The following SV2C variants were observed in gnomAD, a reference collection of about 807,000 sequenced individuals.
SV2C encodes the protein solute carrier family 22 member B3.
Under a neutral mutation model 79.7 loss-of-function variants are expected in SV2C, and 49 were observed. That is an observed-to-expected ratio of 0.61 (90% CI 0.49 to 0.78). The LOEUF is 0.78. SV2C is among the 30% of genes least tolerant of loss of function. SV2C has a pLI of 0.00. For missense variants in SV2C, 833 were observed against 912.9 expected, an observed-to-expected ratio of 0.91 and a Z score of 1.13; for synonymous variants, 334 against 333.2, an observed-to-expected ratio of 1.00 and a Z score of -0.03.
intron 2 of SV2C, among the ~76,000 whole-genome samples, chr5:76,144,853 A>G (rs1349582069): frequency 6.6e-6 from 1 of 152,244 alleles, no homozygotes; most frequent in East Asian, 1.9e-4. Flanking sequence ...TTTTTTTAGC[A>G]AATCATGTGT....
At chr5:76,293,357 G>A (rs1747625068) in intron 8 of SV2C, among the ~76,000 whole-genome samples, 2 of 152,056 alleles carry the variant, frequency 1.3e-5, no homozygotes, top group Admixed American at 1.3e-4. Context: ...TATCTGGCTT[G>A]TTTATTTTGT....
the SV2C span, among the ~76,000 whole-genome samples, chr5:76,016,181 G>C: frequency 7.2e-6 from 1 of 139,840 alleles, no homozygotes; most frequent in Non-Finnish European, 1.5e-5. Flanking sequence ...AAGGTTGCCA[G>C]CCATCATAGG....
chr5:76,169,501 T>G (rs1302227847), intron 2 of SV2C, among the ~76,000 whole-genome samples: 7 of 152,230 alleles, frequency 4.6e-5, no homozygotes, highest in Non-Finnish European at 1.0e-4. Flanking sequence ...ATTTTGTTTC[T>G]AAAGCCGACA....
At chr5:75,970,594 G>A in the SV2C span, among the ~76,000 whole-genome samples, 15 of 152,168 alleles carry the variant, frequency 9.9e-5, no homozygotes, top group African/African-American at 2.7e-4. Flanking sequence ...TAAATTCCTC[G>A]ACACATACAC....
the SV2C span, among the ~76,000 whole-genome samples, chr5:75,888,812 C>A: frequency 6.6e-6 from 1 of 152,052 alleles, no homozygotes; most frequent in African/African-American, 2.4e-5. Flanking sequence ...CTATGCTATA[C>A]CTAGAATCTT....
At chr5:76,218,585 T>A (rs1744971946) in intron 4 of SV2C, among the ~76,000 whole-genome samples, 1 of 152,060 alleles carries the variant, frequency 6.6e-6, no homozygotes, top group African/African-American at 2.4e-5. Context: ...GAGGGGAACA[T>A]CATACACCAA....
intron 4 of SV2C, among the ~76,000 whole-genome samples, chr5:76,218,381 T>C (rs1308887655): frequency 6.6e-6 from 1 of 152,064 alleles, no homozygotes; most frequent in African/African-American, 2.4e-5. Flanking sequence ...GTAGACTAGA[T>C]AAAGAAAATG....
chr5:75,910,959 T>C, the SV2C span: 1 of 913,328 alleles, frequency 1.1e-6, no homozygotes, highest in Non-Finnish European at 1.8e-6. Flanking sequence ...TCTTTAGTCA[T>C]TTATCCCCCA....
chr5:75,970,479 T>C, the SV2C span, among the ~76,000 whole-genome samples: 1 of 151,762 alleles, frequency 6.6e-6, no homozygotes, highest in Admixed American at 6.6e-5. Flanking sequence ...CAATAAAAAA[T>C]GACAAAGGGG....
chr5:76,031,688 T>C, the SV2C span, among the ~76,000 whole-genome samples: 2 of 152,198 alleles, frequency 1.3e-5, no homozygotes, highest in East Asian at 1.9e-4. Flanking sequence ...TATTATTACC[T>C]AGGTCACAAT....
At chr5:76,018,830 A>G in the SV2C span, among the ~76,000 whole-genome samples, 1 of 152,228 alleles carries the variant, frequency 6.6e-6, no homozygotes, top group Non-Finnish European at 1.5e-5. Flanking sequence ...TTAAAAGCTG[A>G]CCATTGATTC....
At position 76,328,964 on chromosome 5, in the gene SV2C, C is replaced by A. The variant is rs1013414259; in HGVS notation, c.*3417C>A. The A allele has an allele frequency of 6.6e-5, 10 of 152,052 alleles. No homozygotes were observed. The highest frequency in any genetic ancestry group is 2.2e-4 in the African/African-American group (9 of 41,384). The allele number at this position is 152,052 out of a possible 1,614,324, so 9.4% of individuals were successfully genotyped here. A position where few individuals can be genotyped will look rare whatever the true frequency, so the allele number is the denominator to read the frequency against. On this transcript the variant is annotated 3_prime_UTR_variant, in exon 13 of 13. Coordinates refer to ENST00000502798, the MANE Select transcript of SV2C (RefSeq NM_014979.4). ...ATCTTTTAGTAGAGGTGGGGTTTCA[C>A]CGTGTTGGTCAGGCTGGTCTCGAAC...
At chr5:75,935,468 T>A in the SV2C span, among the ~76,000 whole-genome samples, 11 of 151,854 alleles carry the variant, frequency 7.2e-5, no homozygotes, top group Non-Finnish European at 1.2e-4. Flanking sequence ...GCACAGTGAT[T>A]TTTTTACAAA....
chr5:75,855,592 T>C, the SV2C span, among the ~76,000 whole-genome samples: 1 of 152,146 alleles, frequency 6.6e-6, no homozygotes, highest in Non-Finnish European at 1.5e-5. Context: ...CTTGCAATAT[T>C]TCAAACTTTA....
the SV2C span, among the ~76,000 whole-genome samples, chr5:75,984,540 T>C: frequency 1.5e-5 from 1 of 65,714 alleles, no homozygotes; most frequent in Non-Finnish European, 4.8e-5. Flanking sequence ...TATCTGCCTA[T>C]CTATCTATCT....
In SV2C at chr5:76,194,976, A is replaced by G; in HGVS notation, c.638A>G (p.Asp213Gly). 6.2e-7 allele frequency: 1 copy of G among 1,614,116 alleles called. No individual in the cohort carries two copies. Among genetic ancestry groups the G allele is most frequent in the Non-Finnish European group, 8.5e-7 (1 of 1,179,980 alleles). ...GCGTTCTTCTGGGGAGGACTGGCAG[A>G]CAAAGTGGGAAGGAAACAGTCTCTT... Reference protein sequence around the residue: ...VGAFFWGGLADKVGRKQSLLI... With the variant: ...VGAFFWGGLAGKVGRKQSLLI... The change falls in exon 3 of 13, where the codon GAC becomes GGC. Residue 213 changes from aspartate (D) to glycine (G), a missense_variant. By Grantham distance (94) the Asp-to-Gly change is moderately conservative (BLOSUM62 -1). Coordinates refer to ENST00000502798, the MANE Select transcript of SV2C (RefSeq NM_014979.4).
chr5:76,054,835 G>A, the SV2C span, among the ~76,000 whole-genome samples: 1 of 151,820 alleles, frequency 6.6e-6, no homozygotes, highest in Non-Finnish European at 1.5e-5. Context: ...ACTTTTTGAT[G>A]GGGTTGTTTG....
intron 4 of SV2C, among the ~76,000 whole-genome samples, chr5:76,239,227 T>G (rs1301958048): frequency 6.6e-6 from 1 of 152,194 alleles, no homozygotes; most frequent in Non-Finnish European, 1.5e-5. Flanking sequence ...TTCTTTGTTC[T>G]TGTTCTTTAT....
rs1299322506 is a variant in SV2C at position 76,223,368 on chromosome 5, C to A, written c.913+13481C>A. Among the ~76,000 whole-genome samples, 3 of 147,560 alleles carry A rather than the reference C, an allele frequency of 2.0e-5. No homozygotes were observed. In the East Asian group the frequency reaches 6.0e-4, roughly 30 times the overall value. The stretch of plus-strand genomic sequence containing the variant: ...GCTTGAGCCTAGGAGTTTGAGGTTA[C>A]AATGAGTCATGGTCAGGCCACTGCA... On this transcript the variant is annotated intron_variant, in intron 4 of 12. Coordinates refer to ENST00000502798, the MANE Select transcript of SV2C (RefSeq NM_014979.4).
Sources: gnomAD v4.1 joint callset for allele counts (sites outside exome capture counted in the v4.1 genomes callset) on GRCh38, gnomAD v4.1.1 for gene constraint, MANE v1.5 for transcripts, NCBI Gene and HGNC (gene_info 2026-07-23, HGNC 2026-07-21) for gene names.